The following ADK variants were observed in gnomAD, a reference collection of about 807,000 sequenced individuals.
ADK encodes the protein adenosine kinase.
In ADK, 24 loss-of-function variants were observed where a neutral mutation model predicts 44.7. That is an observed-to-expected ratio of 0.54 (90% CI 0.39 to 0.76). The LOEUF is 0.76. Ranked by LOEUF, ADK falls within the 30% of genes least tolerant of loss-of-function variation. The pLI is 0.00. For missense variants in ADK, 321 were observed against 425.1 expected (o/e 0.76, Z 2.15); for synonymous variants, 128 against 142.6 (o/e 0.90, Z 0.73).
At chr10:74,697,356 G>A (rs1856244546) in intron 10 of ADK, among the ~76,000 whole-genome samples, 1 of 151,888 alleles carries the variant, frequency 6.6e-6, no homozygotes, top group Non-Finnish European at 1.5e-5. Flanking sequence ...GGGCCACATG[G>A]TGAGACTCCA....
At chr10:74,594,571 A>G (rs1851831420) in intron 8 of ADK, among the ~76,000 whole-genome samples, 1 of 152,082 alleles carries the variant, frequency 6.6e-6, no homozygotes, top group Non-Finnish European at 1.5e-5. Context: ...AGTAAATAAT[A>G]TGATAAAAAG....
intron 6 of ADK, among the ~76,000 whole-genome samples, chr10:74,511,068 C>G (rs1848301998): frequency 6.6e-6 from 1 of 152,158 alleles, no homozygotes; most frequent in Non-Finnish European, 1.5e-5. Context: ...TAGTTTCATT[C>G]TTCTGCATAT....
chr10:74,225,278 A>T (rs147442928), intron 3 of ADK, among the ~76,000 whole-genome samples: 313 of 152,108 alleles, frequency 2.1e-3, no homozygotes, highest in African/African-American at 7.0e-3. Flanking sequence ...GGGTTTTGCC[A>T]TGTTGGCCAG....
At chr10:74,282,726 C>G (rs1353935564) in intron 3 of ADK, among the ~76,000 whole-genome samples, 3 of 151,974 alleles carry the variant, frequency 2.0e-5, no homozygotes, top group Non-Finnish European at 4.4e-5. Context: ...TTCCTTGTTC[C>G]CATCTGAGTC....
intron 6 of ADK, among the ~76,000 whole-genome samples, chr10:74,410,417 A>G (rs1396990789): frequency 6.6e-6 from 1 of 152,160 alleles, no homozygotes; most frequent in Admixed American, 6.5e-5. Flanking sequence ...CTCAAGCCTG[A>G]AATTCCAGCC....
At chr10:74,168,685 C>A (rs1181182594) in intron 1 of ADK, among the ~76,000 whole-genome samples, 1 of 151,396 alleles carries the variant, frequency 6.6e-6, no homozygotes, top group Non-Finnish European at 1.5e-5. Flanking sequence ...TGACCTCGGC[C>A]CACTGCAACC....
At chr10:74,171,803 T>A (rs1842165859) in intron 1 of ADK, among the ~76,000 whole-genome samples, 1 of 134,530 alleles carries the variant, frequency 7.4e-6, no homozygotes, top group East Asian at 2.0e-4. Context: ...TGTCTCTCTC[T>A]GTCTCTCTGT....
At chr10:74,302,109 GTTTTTTTTTTTTTTTTTTTTTT>G (rs1172807289) in intron 3 of ADK, among the ~76,000 whole-genome samples, 4 of 13,052 alleles carry the variant, frequency 3.1e-4, no homozygotes, top group Admixed American at 1.1e-3. Context: ...TTGTTTGTTT[GTTTTTTTTTTTTTTTTTTTTTT>G]TTTTTTTTTT....
chr10:74,177,966 AGTT>A lies in ADK; in HGVS notation c.66-22797_66-22795del, dbSNP rs958254174. Among the ~76,000 whole-genome samples the A allele has an allele frequency of 2.3e-5, 3 of 132,862 alleles. No homozygotes were observed. In the Admixed American group the frequency reaches 2.4e-4, roughly 10 times the overall value. 87.2% of individuals were successfully genotyped at this position (132,862 alleles called of 152,430 possible). A position where few individuals can be genotyped will look rare whatever the true frequency, so the allele number is the denominator to read the frequency against. On this transcript the variant is annotated intron_variant, in intron 1 of 10. Transcript: ENST00000539909. ...ATATATTTTTTTTTTTTTGAGACAGAGTTTCGCTCTTGTTGCCCAGGCTGGAGT... is the reference window on the plus strand; with the variant it reads ...ATATATTTTTTTTTTTTTGAGACAGATCGCTCTTGTTGCCCAGGCTGGAGT...
intron 4 of ADK, among the ~76,000 whole-genome samples, chr10:74,392,168 G>A (rs1843359512): frequency 6.6e-6 from 1 of 152,038 alleles, no homozygotes. Flanking sequence ...TCTTTTGACT[G>A]TATACCCAGA....
chr10:74,635,562 A>G (rs1379515101), intron 9 of ADK, among the ~76,000 whole-genome samples: 1 of 152,144 alleles, frequency 6.6e-6, no homozygotes, highest in African/African-American at 2.4e-5. Context: ...GTAACATAAA[A>G]AACAGCAGTT....
At chr10:74,649,303 CACTTAATTGCTAGCTTAGAAGTCTTTTAA>C (rs1854169353) in intron 9 of ADK, among the ~76,000 whole-genome samples, 1 of 152,128 alleles carries the variant, frequency 6.6e-6, no homozygotes, top group African/African-American at 2.4e-5. Context: ...TTAGAAAATA[CACTTAATTGCTAGCTTAGAAGTCTTTTAA>C]ATTCTACTGT....
intron 10 of ADK, among the ~76,000 whole-genome samples, chr10:74,695,472 ATGTGTGTG>A (rs66502036): frequency 1.3e-5 from 2 of 148,530 alleles, no homozygotes; most frequent in African/African-American, 4.9e-5. Flanking sequence ...GTATATATAT[ATGTGTGTG>A]TGTGTGTGTG....
intron 10 of ADK, among the ~76,000 whole-genome samples, chr10:74,692,067 A>G (rs1408290114): frequency 1.3e-5 from 2 of 152,226 alleles, no homozygotes; most frequent in Non-Finnish European, 2.9e-5. Context: ...ACCTGCATGC[A>G]TATGTTTATA....
intron 3 of ADK, among the ~76,000 whole-genome samples, chr10:74,250,157 T>C (rs1434644349): frequency 1.3e-5 from 2 of 152,226 alleles, no homozygotes; most frequent in African/African-American, 4.8e-5. Context: ...TTTGGAGTTA[T>C]AGACAGGCAG....
intron 8 of ADK, among the ~76,000 whole-genome samples, chr10:74,598,471 G>C (rs12241943): frequency 2.2e-5 from 2 of 90,142 alleles, no homozygotes; most frequent in African/African-American, 4.3e-5. Context: ...TTTTTTTTGA[G>C]ATGGCGTCTT....
chr10:74,179,986 A>G (rs1463033273), intron 1 of ADK, among the ~76,000 whole-genome samples: 2 of 152,090 alleles, frequency 1.3e-5, no homozygotes, highest in Non-Finnish European at 2.9e-5. Context: ...CCTTTTACTG[A>G]TAAGCTGAAT....
intron 1 of ADK, among the ~76,000 whole-genome samples, chr10:74,200,156 GTTTTT>G (rs760622376): frequency 1.2e-4 from 12 of 99,274 alleles, no homozygotes; most frequent in Admixed American, 2.2e-4. Context: ...GACACCATCT[GTTTTT>G]TTTTTTTTTT....
chr10:74,467,774 T>G (rs1371371991), intron 6 of ADK, among the ~76,000 whole-genome samples: 1 of 152,118 alleles, frequency 6.6e-6, no homozygotes, highest in Non-Finnish European at 1.5e-5. Flanking sequence ...ATATTAAACA[T>G]TAAGTGATCT....
Sources: allele counts gnomAD v4.1 joint callset (sites outside exome capture counted in the v4.1 genomes callset), GRCh38; gene constraint gnomAD v4.1.1; transcripts MANE v1.5; gene names NCBI Gene and HGNC (gene_info 2026-07-23, HGNC 2026-07-21).